CNGB3: variants seen among roughly 807,000 people sequenced by gnomAD.
The protein encoded by CNGB3 is cyclic nucleotide-gated channel beta-3.
In CNGB3, 86 loss-of-function variants were observed where a neutral mutation model predicts 92.8. The ratio of observed to expected loss-of-function variants is 0.93; its 90% CI spans 0.78 to 1.11. The LOEUF (loss-of-function observed/expected upper bound fraction) is 1.11. Among genes scored for constraint, CNGB3 ranks in the 50% least tolerant of loss-of-function variants. The pLI is 0.00. For missense variants in CNGB3, 1,026 were observed against 956.8 expected (o/e 1.07, Z -0.95); for synonymous variants, 333 against 332.7 (o/e 1.00, Z -0.01).
At chr8:86,588,947 G>A (rs1339880908) in intron 15 of CNGB3, among the ~76,000 whole-genome samples, 1 of 151,878 alleles carries the variant, frequency 6.6e-6, no homozygotes, top group Non-Finnish European at 1.5e-5. Context: ...GGTAGAATTC[G>A]GCTGTGAATC....
In CNGB3 at chr8:86,590,323, G is replaced by C. The variant is rs561061646; in HGVS notation, c.1782-11071C>G. 5.7e-3 allele frequency among the ~76,000 whole-genome samples: 862 copies of C among 151,994 alleles called. 11 individuals carry two copies. The highest frequency in any genetic ancestry group is 0.019 in the African/African-American group (808 of 41,436). On this transcript the variant is annotated intron_variant, in intron 15 of 17. Transcript: ENST00000320005. ...GCCAGTCTGTGTCTTTTAATTGGAG[G>C]ATTTAGTCCATTTACATTTAAAGTT...
At chr8:86,737,129 G>T (rs1223987427) in intron 2 of CNGB3, among the ~76,000 whole-genome samples, 1 of 152,126 alleles carries the variant, frequency 6.6e-6, no homozygotes, top group Non-Finnish European at 1.5e-5. Context: ...CCTGGTCTGT[G>T]TAAGAACAAG....
chr8:86,626,099 A>T lies in CNGB3; in HGVS notation c.1481-19T>A. 2.6e-6 allele frequency: 4 copies of T among 1,551,386 alleles called. No homozygotes were observed. In the African/African-American group the frequency reaches 5.4e-5, roughly 21 times the overall value. On this transcript the variant is annotated intron_variant, in intron 12 of 17. Coordinates refer to ENST00000320005, the MANE Select transcript of CNGB3 (RefSeq NM_019098.5). ...GACTCATCTTTATAAAGATAAACACATCAAACCCCGATGCAGAATAATTAA... is the reference window on the plus strand; with the variant it reads ...GACTCATCTTTATAAAGATAAACACTTCAAACCCCGATGCAGAATAATTAA...
At chr8:86,614,426 C>G (rs1346585828) in intron 13 of CNGB3, among the ~76,000 whole-genome samples, 1 of 152,074 alleles carries the variant, frequency 6.6e-6, no homozygotes, top group Non-Finnish European at 1.5e-5. Flanking sequence ...ACCCTGGATC[C>G]CAAAAAGGCT....
chr8:86,705,315 C>T (rs925555677), intron 3 of CNGB3, among the ~76,000 whole-genome samples: 3 of 152,044 alleles, frequency 2.0e-5, no homozygotes, highest in South Asian at 4.1e-4. Flanking sequence ...CCAAATTGTA[C>T]TATGCACCAG....
At position 86,575,852 on chromosome 8, in the gene CNGB3, G is replaced by A. The variant is rs945309818; in HGVS notation, c.2382C>T (p.Gly794=). 1.1e-5 allele frequency: 18 copies of A among 1,612,998 alleles called. No homozygotes were observed. Among genetic ancestry groups the A allele is most frequent in the African/African-American group, 1.3e-5 (1 of 74,776 alleles). The change falls in exon 18 of 18, where the codon GGC becomes GGT. Residue 794 remains glycine, a synonymous_variant. Coordinates refer to ENST00000320005, the MANE Select transcript of CNGB3 (RefSeq NM_019098.5). ...LIISMAPSAE[G]GEEVLTIEVK... is the part of the protein sequence containing the mutation. ...CTTCAATAGTAAGAACCTCTTCTCC[G>A]CCCTCAGCAGAAGGAGCCATGCTGA...
At position 86,659,352 on chromosome 8, in the gene CNGB3, T is replaced by C. The variant is rs914826689; in HGVS notation, c.853-5290A>G. ...GGCCTGCTGTAACTGCTGGTTAGCATCAGGGGGTTCACACTGGCTTGAGGA... is the reference window on the plus strand; with the variant it reads ...GGCCTGCTGTAACTGCTGGTTAGCACCAGGGGGTTCACACTGGCTTGAGGA... On this transcript the variant is annotated intron_variant, in intron 6 of 17. Transcript: ENST00000320005. 20 of 1,062,712 alleles carry C rather than the reference T, an allele frequency of 1.9e-5. No individual in the cohort carries two copies. In the East Asian group the frequency reaches 3.3e-4, roughly 18 times the overall value. 65.8% of individuals were successfully genotyped at this position (1,062,712 alleles called of 1,614,324 possible).
At chr8:86,658,733 G>T in intron 6 of CNGB3, 1 of 474,722 alleles carries the variant, frequency 2.1e-6, no homozygotes, top group South Asian at 2.5e-5. Context: ...GTGTGCTGGT[G>T]ATCTCCATGT....
chr8:86,715,830 T>TGGGGGGA (rs1183174277), intron 3 of CNGB3, among the ~76,000 whole-genome samples: 1 of 61,210 alleles, frequency 1.6e-5, no homozygotes, highest in Non-Finnish European at 2.9e-5. Context: ...TGTCGTGGGG[T>TGGGGGGA]GGGGGGAGGG....
chr8:86,723,522 T>C (rs534470743), intron 3 of CNGB3, among the ~76,000 whole-genome samples: 1 of 152,336 alleles, frequency 6.6e-6, no homozygotes, highest in East Asian at 1.9e-4. Context: ...ATTGATATTT[T>C]CTTATAATGT....
chr8:86,610,454 T>C (rs1822496843), intron 14 of CNGB3, among the ~76,000 whole-genome samples: 1 of 147,704 alleles, frequency 6.8e-6, no homozygotes, highest in Non-Finnish European at 1.5e-5. Flanking sequence ...ACCTATTTCC[T>C]CTTTTACTTG....
intron 6 of CNGB3, among the ~76,000 whole-genome samples, chr8:86,662,733 A>C (rs1032590099): frequency 1.3e-5 from 2 of 151,916 alleles, no homozygotes; most frequent in Non-Finnish European, 2.9e-5. Context: ...GGGCACAAGC[A>C]CTCTAGCAGG....
At chr8:86,627,089 T>G (rs1641612180) in intron 12 of CNGB3, among the ~76,000 whole-genome samples, 1 of 77,960 alleles carries the variant, frequency 1.3e-5, no homozygotes, top group Admixed American at 1.6e-4. Context: ...TTCCAAGAGT[T>G]TCTGAGAGTT....
chr8:86,695,105 G>C (rs925586121), intron 3 of CNGB3, among the ~76,000 whole-genome samples: 12 of 152,270 alleles, frequency 7.9e-5, no homozygotes, highest in Admixed American at 7.2e-4. Context: ...GACCAGCCTG[G>C]CCAACACAGC....
At chr8:86,689,808 C>T (rs184801893) in intron 3 of CNGB3, among the ~76,000 whole-genome samples, 182 of 151,786 alleles carry the variant, frequency 1.2e-3, no homozygotes, top group African/African-American at 3.8e-3. Flanking sequence ...TGAGAACATG[C>T]GGTGTTTGGT....
At chr8:86,735,920 A>C (rs1273661369) in intron 2 of CNGB3, among the ~76,000 whole-genome samples, 1 of 152,146 alleles carries the variant, frequency 6.6e-6, no homozygotes, top group Non-Finnish European at 1.5e-5. Flanking sequence ...GGTCACTTAA[A>C]AGTATCGTAA....
chr8:86,642,712 G>T (rs1157922223), intron 10 of CNGB3, among the ~76,000 whole-genome samples: 2 of 151,576 alleles, frequency 1.3e-5, no homozygotes, highest in Admixed American at 1.3e-4. Flanking sequence ...CCAGGTCTTT[G>T]TATTTTACCA....
intron 3 of CNGB3, among the ~76,000 whole-genome samples, chr8:86,679,597 C>T (rs1047917584): frequency 2.0e-5 from 3 of 151,856 alleles, no homozygotes; most frequent in African/African-American, 7.3e-5. Context: ...ACAATCTTGG[C>T]TCACTGCAAC....
intron 6 of CNGB3, among the ~76,000 whole-genome samples, chr8:86,654,438 T>C (rs1273054726): frequency 6.6e-6 from 1 of 152,168 alleles, no homozygotes; most frequent in African/African-American, 2.4e-5. Flanking sequence ...ATATCCTTTA[T>C]GGCACTTAGC....
Sources: gnomAD v4.1 joint callset for allele counts (sites outside exome capture counted in the v4.1 genomes callset) on GRCh38, gnomAD v4.1.1 for gene constraint, MANE v1.5 for transcripts, NCBI Gene and HGNC (gene_info 2026-07-23, HGNC 2026-07-21) for gene names.